Variants in COG7 observed in about 807,000 individuals in gnomAD.
COG7 encodes component of oligomeric golgi complex 7.
In COG7, 49 loss-of-function variants were observed where a neutral mutation model predicts 91.5. The observed-to-expected ratio is 0.54, with a 90% confidence interval of 0.43 to 0.68. The LOEUF is 0.68. COG7 is among the 30% of genes least tolerant of loss of function. The pLI, the probability that COG7 is intolerant of heterozygous loss-of-function variation, is 0.00. For missense variants in COG7, 895 were observed against 961.3 expected, an observed-to-expected ratio of 0.93 and a Z score of 0.91; for synonymous variants, 365 against 388.7, an observed-to-expected ratio of 0.94 and a Z score of 0.72.
chr16:23,411,875 C>T (rs947844349), intron 10 of COG7, among the ~76,000 whole-genome samples: 1 of 151,068 alleles, frequency 6.6e-6, no homozygotes, highest in Non-Finnish European at 1.5e-5. Context: ...AAGAAACTTC[C>T]AGATTGCTTT....
In COG7 at chr16:23,453,138, C is replaced by A; in HGVS notation, c.-144G>T. On this transcript the variant is annotated 5_prime_UTR_variant, in exon 1 of 17. Coordinates refer to ENST00000307149, the MANE Select transcript of COG7 (RefSeq NM_153603.4). ...GAAACGCCAGGACGGGTAACTTGCCCCTTTGCGCTTCCCCGCTCAGCGCAC... is the reference window on the plus strand; with the variant it reads ...GAAACGCCAGGACGGGTAACTTGCCACTTTGCGCTTCCCCGCTCAGCGCAC... The A allele has an allele frequency of 6.8e-7, 1 of 1,461,078 alleles. No homozygotes were observed. Among genetic ancestry groups the A allele is most frequent in the Admixed American group, 2.5e-5 (1 of 40,606 alleles). The allele number at this position is 1,461,078 out of a possible 1,614,324, so 90.5% of individuals were successfully genotyped here.
intron 1 of COG7, 100 bp downstream of exon 1, chr16:23,452,726 A>G: frequency 6.6e-7 from 1 of 1,509,796 alleles, no homozygotes; most frequent in East Asian, 2.5e-5. Flanking sequence ...TTTGCTGTCC[A>G]TGCGTGCCCC....
chr16:23,389,229 T>A, intron 16 of COG7, 143 bp from the exon 17 acceptor site: 1 of 911,314 alleles, frequency 1.1e-6, no homozygotes, highest in Non-Finnish European at 1.7e-6. Flanking sequence ...CTGCCCTCAA[T>A]AGGCCCTTTA....
At chr16:23,426,135 G>A (rs1252570646) in intron 6 of COG7, among the ~76,000 whole-genome samples, 1 of 152,188 alleles carries the variant, frequency 6.6e-6, no homozygotes, top group Non-Finnish European at 1.5e-5. Context: ...AGGATTGCTT[G>A]AACCTGGTAG....
Position 23,452,967 on chromosome 16 carries a change from C to T in COG7, c.28G>A (p.Asp10Asn). MDFSKFLAD[D>N]FDVKEWINAA... Reference sequence around the variant, plus strand: ...TTGATCCACTCCTTCACGTCGAAGTCGTCTGCCAGGAACTTGGAGAAGTCC... The same window carrying T: ...TTGATCCACTCCTTCACGTCGAAGTTGTCTGCCAGGAACTTGGAGAAGTCC... Residue 10 changes from aspartate to asparagine, a missense_variant, in exon 1 of 17, where the codon GAC (aspartate) becomes AAC (asparagine). Transcript: ENST00000307149. 6.2e-7 allele frequency: 1 copy of T among 1,614,060 alleles called. No homozygotes were observed. The highest frequency in any genetic ancestry group is 1.7e-4 in the Middle Eastern group (1 of 6,056).
At chr16:23,403,096 G>A (rs570719495) in intron 13 of COG7, among the ~76,000 whole-genome samples, 1 of 152,344 alleles carries the variant, frequency 6.6e-6, no homozygotes, top group African/African-American at 2.4e-5. Context: ...TGGAGCAGGG[G>A]AAAGACAGCA....
chr16:23,427,487 A>C (rs964734753), intron 6 of COG7, among the ~76,000 whole-genome samples: 3 of 151,956 alleles, frequency 2.0e-5, no homozygotes, highest in African/African-American at 7.3e-5. Flanking sequence ...AGAAAAAAAA[A>C]AAACAAAAAA....
chr16:23,437,274 A>C (rs1964027307), intron 4 of COG7, among the ~76,000 whole-genome samples: 1 of 152,182 alleles, frequency 6.6e-6, no homozygotes, highest in Non-Finnish European at 1.5e-5. Flanking sequence ...CCCAGAAGCC[A>C]GCTCACTCAG....
At chr16:23,433,186 C>T (rs1963960040) in intron 6 of COG7, among the ~76,000 whole-genome samples, 1 of 152,104 alleles carries the variant, frequency 6.6e-6, no homozygotes, top group Non-Finnish European at 1.5e-5. Flanking sequence ...GTCACTGTGG[C>T]CTCAACCTCC....
At position 23,433,498 on chromosome 16, in the gene COG7, T is replaced by C. The variant is rs756348184; in HGVS notation, c.810+47A>G. 5 of 1,613,158 alleles carry C rather than the reference T, an allele frequency of 3.1e-6. No individual in the cohort carries two copies. In the South Asian group the frequency reaches 3.3e-5, roughly 11 times the overall value. ...ACTCCCGAGGCAGTCACCCGTTCCCTTGTCACCACAGACTCTGTTCTCCCT... is the reference window on the plus strand; with the variant it reads ...ACTCCCGAGGCAGTCACCCGTTCCCCTGTCACCACAGACTCTGTTCTCCCT... On this transcript the variant is annotated intron_variant, in intron 6 of 16. Coordinates refer to ENST00000307149, the MANE Select transcript of COG7 (RefSeq NM_153603.4).
chr16:23,406,256 C>A lies in COG7; in HGVS notation c.1482G>T (p.Leu494Phe), dbSNP rs376358218. Residue 494 changes from leucine to phenylalanine, a missense_variant, in exon 12 of 17, where the codon TTG (leucine) becomes TTT (phenylalanine). Transcript: ENST00000307149. ...CAGATAGATACTTCCCAGCTGTGGACAAAATCCTGTAATGAAAGGAATGAC... is the reference window on the plus strand; with the variant it reads ...CAGATAGATACTTCCCAGCTGTGGAAAAAATCCTGTAATGAAAGGAATGAC... ...DFEQQLANRI[L>F]STAGKYLSDS... 8.1e-6 allele frequency: 13 copies of A among 1,613,898 alleles called. No individual in the cohort carries two copies. In the South Asian group the frequency reaches 9.9e-5, roughly 12 times the overall value.
At chr16:23,416,279 T>C (rs552705719) in intron 9 of COG7, 1 of 152,784 alleles carries the variant, frequency 6.5e-6, no homozygotes, top group South Asian at 2.1e-4. Flanking sequence ...TCCACCTGCC[T>C]CAGCCACCCA....
At chr16:23,419,438 T>C (rs1162839680) in intron 7 of COG7, among the ~76,000 whole-genome samples, 2 of 142,892 alleles carry the variant, frequency 1.4e-5, no homozygotes, top group East Asian at 4.3e-4. Context: ...ATAACCCTCA[T>C]CAAGGTCAGG....
Position 23,416,569 on chromosome 16 carries a change from G to A in COG7, c.1292+398C>T, listed in dbSNP as rs555892093. On this transcript the variant is annotated intron_variant, in intron 9 of 16. Transcript: ENST00000307149. ...GCTGGTCTCGAACTCCTGAGTTTAAGCAATCCACCTGTCTTGGCCTCCCAA... is the reference window on the plus strand; with the variant it reads ...GCTGGTCTCGAACTCCTGAGTTTAAACAATCCACCTGTCTTGGCCTCCCAA... 81 of 287,306 alleles carry A rather than the reference G, an allele frequency of 2.8e-4. 2 individuals are homozygous for A. The Admixed American group carries it at 4.0e-3, about 14-fold the overall frequency. The allele number at this position is 287,306 out of a possible 1,614,324, so 17.8% of individuals were successfully genotyped here.
intron 6 of COG7, among the ~76,000 whole-genome samples, chr16:23,431,633 A>T (rs1211477898): frequency 6.6e-6 from 1 of 150,646 alleles, no homozygotes; most frequent in Non-Finnish European, 1.5e-5. Flanking sequence ...ACATGGTGAA[A>T]CCCCATCTGT....
intron 11 of COG7, among the ~76,000 whole-genome samples, chr16:23,407,078 T>C (rs1963474302): frequency 6.6e-6 from 1 of 152,264 alleles, no homozygotes; most frequent in South Asian, 2.1e-4. Flanking sequence ...TAATTTCTTA[T>C]GAAAACATTG....
chr16:23,430,884 C>T (rs1963923692), intron 6 of COG7, among the ~76,000 whole-genome samples: 1 of 151,802 alleles, frequency 6.6e-6, no homozygotes, highest in South Asian at 2.1e-4. Flanking sequence ...AGATGATTGA[C>T]TGGGCACTTT....
chr16:23,423,362 C>T (rs1460932042), intron 7 of COG7, among the ~76,000 whole-genome samples: 8 of 152,172 alleles, frequency 5.3e-5, no homozygotes, highest in Non-Finnish European at 7.4e-5. Context: ...GAGACTCGTC[C>T]CATGGCTGAC....
At chr16:23,452,721 T>C (rs756832655) in intron 1 of COG7, 105 bp downstream of exon 1, 10 of 1,497,052 alleles carry the variant, frequency 6.7e-6, no homozygotes, top group African/African-American at 1.4e-5. Context: ...GGGTATTTGC[T>C]GTCCATGCGT....
Sources: gnomAD v4.1 joint callset for allele counts (sites outside exome capture counted in the v4.1 genomes callset) on GRCh38, gnomAD v4.1.1 for gene constraint, MANE v1.5 for transcripts, NCBI Gene and HGNC (gene_info 2026-07-23, HGNC 2026-07-21) for gene names.